SLC4A4: variants seen among roughly 807,000 people sequenced by gnomAD.
SLC4A4 encodes electrogenic sodium bicarbonate cotransporter 1.
A neutral mutation model predicts 111.5 loss-of-function variants in SLC4A4; 27 were observed. The observed-to-expected ratio is 0.24, with a 90% CI of 0.18 to 0.33. The LOEUF is 0.33. SLC4A4 is among the 10% of genes least tolerant of loss of function. The pLI is 1.00. For missense variants in SLC4A4, 909 were observed against 1,315.5 expected, an observed-to-expected ratio of 0.69 and a Z score of 4.78; for synonymous variants, 443 against 463.4, an observed-to-expected ratio of 0.96 and a Z score of 0.57.
chr4:71,450,190 C>A (rs1326722887), intron 9 of SLC4A4, among the ~76,000 whole-genome samples, 199 bp from the exon 10 acceptor site: 2 of 152,102 alleles, frequency 1.3e-5, no homozygotes, highest in African/African-American at 4.8e-5. Context: ...TTTCTTCAGG[C>A]CTCTGCCTCT....
chr4:71,268,970 A>G (rs1317768326), intron 3 of SLC4A4, among the ~76,000 whole-genome samples: 1 of 152,236 alleles, frequency 6.6e-6, no homozygotes, highest in Non-Finnish European at 1.5e-5. Context: ...TGCAATCAGA[A>G]CAAACATTAT....
intron 1 of SLC4A4, among the ~76,000 whole-genome samples, chr4:71,224,095 A>G (rs1718914991): frequency 6.6e-6 from 1 of 151,830 alleles, no homozygotes; most frequent in African/African-American, 2.4e-5. Flanking sequence ...TCCCAGACAG[A>G]TTTCCCTCAG....
At chr4:71,128,379 C>T (rs2148960137) in intron 2 of SLC4A4, among the ~76,000 whole-genome samples, 1 of 152,244 alleles carries the variant, frequency 6.6e-6, no homozygotes, top group Non-Finnish European at 1.5e-5. Flanking sequence ...CCCACTGGGT[C>T]CCCACATGTG....
chr4:71,402,453 G>A (rs1720455254), intron 7 of SLC4A4, among the ~76,000 whole-genome samples: 1 of 152,190 alleles, frequency 6.6e-6, no homozygotes. Context: ...CCTTTCCATG[G>A]CTCAGTCAAA....
intron 16 of SLC4A4, among the ~76,000 whole-genome samples, chr4:71,529,965 A>G (rs917513385): frequency 6.6e-6 from 1 of 152,096 alleles, no homozygotes; most frequent in Non-Finnish European, 1.5e-5. Flanking sequence ...ACTGCTTCAT[A>G]GGACCATCTT....
intron 15 of SLC4A4, among the ~76,000 whole-genome samples, chr4:71,488,134 C>A (rs2149133733): frequency 6.7e-6 from 1 of 148,524 alleles, no homozygotes; most frequent in African/African-American, 2.4e-5. Context: ...AATTAATAAA[C>A]TATAATTTAA....
intron 6 of SLC4A4, among the ~76,000 whole-genome samples, chr4:71,385,827 C>G (rs910738751): frequency 5.9e-5 from 9 of 152,116 alleles, no homozygotes; most frequent in African/African-American, 2.2e-4. Flanking sequence ...CTATGTTGCC[C>G]TCCTGCTTTA....
intron 4 of SLC4A4, among the ~76,000 whole-genome samples, chr4:71,339,766 A>G (rs145088635): frequency 0.013 from 1,999 of 152,286 alleles, 51 homozygotes; most frequent in African/African-American, 0.046. Context: ...GGAATTAGAA[A>G]TAAAGCTCAA....
At chr4:71,173,571 G>A (rs1745004056) in intron 2 of SLC4A4, among the ~76,000 whole-genome samples, 1 of 152,080 alleles carries the variant, frequency 6.6e-6, no homozygotes, top group Non-Finnish European at 1.5e-5. Context: ...AGTAAAGACA[G>A]GGTTTCACCA....
intron 2 of SLC4A4, among the ~76,000 whole-genome samples, chr4:71,095,233 C>T (rs549643886): frequency 1.6e-4 from 24 of 152,280 alleles, no homozygotes; most frequent in African/African-American, 5.8e-4. Flanking sequence ...AAGTAAAACC[C>T]TATATCCTGG....
chr4:71,115,564 T>A (rs10003791), intron 2 of SLC4A4, among the ~76,000 whole-genome samples: 6,242 of 152,246 alleles, frequency 0.041, 181 homozygotes, highest in African/African-American at 0.077. Flanking sequence ...ATAAACAGTT[T>A]GTCTGGTTTT....
At chr4:71,118,961 A>G (rs758426390) in intron 2 of SLC4A4, among the ~76,000 whole-genome samples, 47 of 152,324 alleles carry the variant, frequency 3.1e-4, no homozygotes, top group Middle Eastern at 3.4e-3. Flanking sequence ...TAAAACCATT[A>G]TATCTGCTAC....
At chr4:71,251,366 A>G (rs1388301973) in intron 2 of SLC4A4, among the ~76,000 whole-genome samples, 1 of 152,248 alleles carries the variant, frequency 6.6e-6, no homozygotes, top group Admixed American at 6.5e-5. Flanking sequence ...ATGAGTTAAC[A>G]TCATAGTACT....
At chr4:71,119,544 C>T (rs1044885215) in intron 2 of SLC4A4, among the ~76,000 whole-genome samples, 1 of 152,068 alleles carries the variant, frequency 6.6e-6, no homozygotes, top group South Asian at 2.1e-4. Flanking sequence ...ACCATGGTCA[C>T]CTGGCTAAGT....
At chr4:71,214,770 C>T (rs547460196) in intron 1 of SLC4A4, among the ~76,000 whole-genome samples, 1 of 152,298 alleles carries the variant, frequency 6.6e-6, no homozygotes, top group African/African-American at 2.4e-5. Context: ...GTCTGGACAT[C>T]TTTTGGCCTG....
At chr4:71,220,093 G>A (rs1372756020) in intron 1 of SLC4A4, among the ~76,000 whole-genome samples, 2 of 152,174 alleles carry the variant, frequency 1.3e-5, no homozygotes, top group African/African-American at 4.8e-5. Flanking sequence ...TTTGGAAAAA[G>A]TTCTACTGTG....
At chr4:71,335,876 G>A (rs1409836727) in intron 3 of SLC4A4, among the ~76,000 whole-genome samples, 1 of 151,634 alleles carries the variant, frequency 6.6e-6, no homozygotes, top group Non-Finnish European at 1.5e-5. Context: ...ATTGTACCTT[G>A]TATCAGTATG....
At chr4:71,509,406 G>A (rs931696693) in intron 16 of SLC4A4, among the ~76,000 whole-genome samples, 1 of 132,822 alleles carries the variant, frequency 7.5e-6, no homozygotes, top group African/African-American at 3.4e-5. Flanking sequence ...TTGTAGGGAG[G>A]GATTTTTTTT....
intron 7 of SLC4A4, among the ~76,000 whole-genome samples, chr4:71,397,913 A>G (rs943228143): frequency 1.1e-4 from 17 of 152,232 alleles, no homozygotes; most frequent in African/African-American, 4.1e-4. Flanking sequence ...CTCAGCTTTA[A>G]AATAGTAATA....
Sources: allele counts gnomAD v4.1 joint callset (sites outside exome capture counted in the v4.1 genomes callset), GRCh38; gene constraint gnomAD v4.1.1; transcripts MANE v1.5; gene names NCBI Gene and HGNC (gene_info 2026-07-23, HGNC 2026-07-21).